PRKCA: variants seen among roughly 807,000 people sequenced by gnomAD.
The protein encoded by PRKCA is protein kinase C alpha type.
A neutral mutation model predicts 87.0 loss-of-function variants in PRKCA; 27 were observed. That is an observed-to-expected ratio of 0.31 (90% CI 0.23 to 0.43). The LOEUF is 0.43. PRKCA is among the 20% of genes least tolerant of loss of function. The pLI is 1.00. For missense variants in PRKCA, 518 were observed against 852.3 expected (o/e 0.61, Z 4.88); for synonymous variants, 329 against 311.1 (o/e 1.06, Z -0.61).
At chr17:66,777,651 A>G in intron 14 of PRKCA, 1 of 985,330 alleles carries the variant, frequency 1.0e-6, no homozygotes, top group Non-Finnish European at 1.2e-6. Context: ...ACAAAAAGCC[A>G]AGTCCCCCTC....
intron 3 of PRKCA, among the ~76,000 whole-genome samples, chr17:66,560,600 C>T (rs988949397): frequency 1.3e-5 from 2 of 152,158 alleles, no homozygotes; most frequent in Admixed American, 1.3e-4. Context: ...TCAGGGTGGC[C>T]TCCATCTGAT....
At chr17:66,394,811 C>G (rs894372013) in intron 2 of PRKCA, among the ~76,000 whole-genome samples, 1 of 152,174 alleles carries the variant, frequency 6.6e-6, no homozygotes, top group Non-Finnish European at 1.5e-5. Flanking sequence ...TTTCCCCCTG[C>G]TGGGCTCTTC....
At chr17:66,402,283 C>T (rs16959178) in intron 2 of PRKCA, among the ~76,000 whole-genome samples, 18,130 of 151,748 alleles carry the variant, frequency 0.12, 1,460 homozygotes, top group East Asian at 0.28. Context: ...TTTGTCCAGG[C>T]GGTTTTAGGA....
chr17:66,654,331 T>C (rs921436265), intron 5 of PRKCA, among the ~76,000 whole-genome samples: 1 of 152,196 alleles, frequency 6.6e-6, no homozygotes, highest in Non-Finnish European at 1.5e-5. Flanking sequence ...CCGACACTGA[T>C]TGAACACTTT....
At chr17:66,742,475 T>A in intron 12 of PRKCA, 147 bp from the exon 13 acceptor site, 2 of 829,652 alleles carry the variant, frequency 2.4e-6, no homozygotes, top group Non-Finnish European at 3.8e-6. Flanking sequence ...TCAACACACA[T>A]TGACTTCTGA....
At chr17:66,533,923 C>T (rs1384492473) in intron 3 of PRKCA, among the ~76,000 whole-genome samples, 1 of 152,160 alleles carries the variant, frequency 6.6e-6, no homozygotes, top group Non-Finnish European at 1.5e-5. Flanking sequence ...TCAGCCCCTC[C>T]TTTTGTTCGT....
At chr17:66,663,128 G>A (rs183880362) in intron 5 of PRKCA, among the ~76,000 whole-genome samples, 1 of 152,306 alleles carries the variant, frequency 6.6e-6, no homozygotes, top group African/African-American at 2.4e-5. Flanking sequence ...CAAGGAAGCC[G>A]AGCAAAGCCC....
chr17:66,565,637 G>A (rs1172214616), intron 3 of PRKCA, among the ~76,000 whole-genome samples: 2 of 152,156 alleles, frequency 1.3e-5, no homozygotes, highest in Non-Finnish European at 2.9e-5. Context: ...CTCAGTCGCG[G>A]TGTTTCTTCC....
At chr17:66,517,305 TTAG>T (rs1486275275) in intron 3 of PRKCA, among the ~76,000 whole-genome samples, 12 of 152,118 alleles carry the variant, frequency 7.9e-5, no homozygotes, top group Non-Finnish European at 1.6e-4. Flanking sequence ...ATTTTCAGAA[TTAG>T]TATCTCAGGA....
At chr17:66,625,952 T>C (rs1185254132) in intron 3 of PRKCA, among the ~76,000 whole-genome samples, 1 of 152,216 alleles carries the variant, frequency 6.6e-6, no homozygotes, top group Non-Finnish European at 1.5e-5. Context: ...TAATGAAACC[T>C]CATTGAAAGT....
chr17:66,735,388 T>C (rs1437780736), intron 9 of PRKCA, 101 bp from the exon 10 acceptor site: 1 of 1,210,630 alleles, frequency 8.3e-7, no homozygotes, highest in Non-Finnish European at 1.2e-6. Context: ...TTGACAAAGG[T>C]GCACAAACTG....
intron 2 of PRKCA, among the ~76,000 whole-genome samples, chr17:66,361,781 G>A (rs1481849769): frequency 1.3e-5 from 2 of 152,128 alleles, no homozygotes; most frequent in South Asian, 4.1e-4. Context: ...TTGTCCTAAT[G>A]TAGTAATATA....
chr17:66,527,870 A>G (rs1967399329), intron 3 of PRKCA, among the ~76,000 whole-genome samples: 1 of 152,214 alleles, frequency 6.6e-6, no homozygotes, highest in South Asian at 2.1e-4. Context: ...ACTGTATGGA[A>G]ATACGGAAAA....
intron 2 of PRKCA, among the ~76,000 whole-genome samples, chr17:66,357,477 C>T (rs1419182156): frequency 6.6e-6 from 1 of 152,008 alleles, no homozygotes; most frequent in African/African-American, 2.4e-5. Context: ...ATTTAGACTT[C>T]GAATGCATTA....
chr17:66,633,911 G>A (rs576839387), intron 3 of PRKCA, among the ~76,000 whole-genome samples: 1 of 152,308 alleles, frequency 6.6e-6, no homozygotes, highest in South Asian at 2.1e-4. Context: ...TACTGCCTTT[G>A]CAGACTTACC....
At chr17:66,540,863 C>A (rs1967961214) in intron 3 of PRKCA, among the ~76,000 whole-genome samples, 1 of 152,154 alleles carries the variant, frequency 6.6e-6, no homozygotes, top group Admixed American at 6.5e-5. Context: ...TGGACCTATT[C>A]CGTTGTATAT....
At chr17:66,596,571 C>CAT in intron 3 of PRKCA, among the ~76,000 whole-genome samples, 1 of 113,862 alleles carries the variant, frequency 8.8e-6, no homozygotes, top group Non-Finnish European at 1.7e-5. Context: ...AATATTAAAC[C>CAT]TTTTTTTTTT....
intron 3 of PRKCA, among the ~76,000 whole-genome samples, chr17:66,617,777 T>C (rs889442510): frequency 6.6e-6 from 1 of 152,180 alleles, no homozygotes; most frequent in Admixed American, 6.5e-5. Flanking sequence ...TTTTGGGAAA[T>C]GAAGCACTTA....
At chr17:66,303,232 C>A (rs1201014751) in intron 1 of PRKCA, among the ~76,000 whole-genome samples, 5 of 152,098 alleles carry the variant, frequency 3.3e-5, no homozygotes, top group Non-Finnish European at 5.9e-5. Context: ...GCCACACACA[C>A]CCCCTGGCGC....
Sources: gnomAD v4.1 joint callset for allele counts (sites outside exome capture counted in the v4.1 genomes callset) on GRCh38, gnomAD v4.1.1 for gene constraint, MANE v1.5 for transcripts, NCBI Gene and HGNC (gene_info 2026-07-23, HGNC 2026-07-21) for gene names.